Variants in SGCZ observed in about 807,000 individuals in gnomAD.
SGCZ encodes zeta-sarcoglycan.
In SGCZ, 40 loss-of-function variants were observed where a neutral mutation model predicts 41.3. The ratio of observed to expected loss-of-function variants is 0.97; its 90% CI spans 0.75 to 1.26. The LOEUF is 1.26. Ranked by LOEUF, SGCZ falls within the 50% of genes most tolerant of loss-of-function variation. The pLI, the probability that SGCZ is intolerant of heterozygous loss-of-function variation, is 0.00. For synonymous variants in SGCZ, 206 were observed against 137.5 expected (o/e 1.50, Z -3.49); for missense variants, 552 against 369.8 (o/e 1.49, Z -4.04).
chr8:14,380,398 C>A (rs1231269110), intron 2 of SGCZ, among the ~76,000 whole-genome samples: 1 of 152,112 alleles, frequency 6.6e-6, no homozygotes, highest in Non-Finnish European at 1.5e-5. Context: ...TCTGATCCAT[C>A]TGGAATTTAT....
At chr8:14,464,018 T>A (rs1197554101) in intron 2 of SGCZ, among the ~76,000 whole-genome samples, 1 of 151,656 alleles carries the variant, frequency 6.6e-6, no homozygotes, top group Non-Finnish European at 1.5e-5. Flanking sequence ...TAATTCACTT[T>A]GCTAGTATTT....
At chr8:14,644,662 C>T (rs533182815) in intron 1 of SGCZ, among the ~76,000 whole-genome samples, 6 of 151,652 alleles carry the variant, frequency 4.0e-5, no homozygotes, top group Admixed American at 4.0e-4. Flanking sequence ...TTCTGTCATG[C>T]CTCTATTATG....
chr8:14,792,757 G>T (rs1350445566), intron 1 of SGCZ, among the ~76,000 whole-genome samples: 1 of 151,882 alleles, frequency 6.6e-6, no homozygotes, highest in African/African-American at 2.4e-5. Context: ...AAAGGTCCAG[G>T]GTTTTCTTTT....
chr8:14,195,715 G>A (rs1805246079), intron 4 of SGCZ, among the ~76,000 whole-genome samples: 2 of 151,990 alleles, frequency 1.3e-5, no homozygotes, highest in South Asian at 4.1e-4. Context: ...GATTAATACT[G>A]GAAAAAATGC....
At position 14,925,718 on chromosome 8, in the gene SGCZ, T is replaced by A. The variant is rs141398753; in HGVS notation, c.39+311867A>T. On this transcript the variant is annotated intron_variant, in intron 1 of 7. Transcript: ENST00000382080. Reference sequence around the variant, plus strand: ...CCTCAGACACGACAATACTTTCAATTTCCAGGGTTTGATCTGGCTTCACTT... The same window carrying A: ...CCTCAGACACGACAATACTTTCAATATCCAGGGTTTGATCTGGCTTCACTT... Among the ~76,000 whole-genome samples, 128 of 152,322 alleles carry A rather than the reference T, an allele frequency of 8.4e-4. 1 individual carries two copies. The Middle Eastern group carries it at 0.014, about 16-fold the overall frequency.
chr8:14,780,756 C>T (rs1389827226), intron 1 of SGCZ, among the ~76,000 whole-genome samples: 6 of 152,048 alleles, frequency 3.9e-5, no homozygotes, highest in East Asian at 3.9e-4. Context: ...AATTTCAATG[C>T]CCTTAATATT....
At chr8:14,805,288 T>C (rs1264006375) in intron 1 of SGCZ, among the ~76,000 whole-genome samples, 1 of 90,996 alleles carries the variant, frequency 1.1e-5, no homozygotes, top group African/African-American at 3.8e-5. Context: ...GACTGGCAAG[T>C]TGGATAAAGA....
intron 1 of SGCZ, among the ~76,000 whole-genome samples, chr8:14,664,859 C>G (rs753352504): frequency 6.6e-6 from 1 of 152,028 alleles, no homozygotes; most frequent in Non-Finnish European, 1.5e-5. Flanking sequence ...TCATGTTGTT[C>G]CAAAGCTCTC....
intron 1 of SGCZ, among the ~76,000 whole-genome samples, chr8:14,624,560 T>TA (rs1563161367): frequency 0.047 from 4,097 of 88,098 alleles, 257 homozygotes; most frequent in African/African-American, 0.16. Flanking sequence ...TTATTATTTT[T>TA]TTTTTTTTTT....
chr8:14,467,270 A>G (rs1038567250), intron 2 of SGCZ, among the ~76,000 whole-genome samples: 7 of 151,976 alleles, frequency 4.6e-5, no homozygotes, highest in Non-Finnish European at 1.0e-4. Context: ...AAAAAAAGAG[A>G]AAAATAAGTG....
intron 1 of SGCZ, among the ~76,000 whole-genome samples, chr8:14,732,039 T>C (rs898076542): frequency 5.3e-5 from 8 of 152,212 alleles, no homozygotes; most frequent in African/African-American, 1.9e-4. Context: ...GTGATTCAAG[T>C]ACAACTTGTT....
chr8:14,381,554 C>T (rs1294020426), intron 2 of SGCZ, among the ~76,000 whole-genome samples: 1 of 151,836 alleles, frequency 6.6e-6, no homozygotes, highest in Non-Finnish European at 1.5e-5. Context: ...CCAGGCAGAT[C>T]GCTTGAGCCC....
At chr8:14,153,979 C>T (rs1803797976) in intron 5 of SGCZ, among the ~76,000 whole-genome samples, 1 of 151,614 alleles carries the variant, frequency 6.6e-6, no homozygotes, top group African/African-American at 2.4e-5. Flanking sequence ...GAAGACACAG[C>T]AACAAGGCAG....
intron 1 of SGCZ, among the ~76,000 whole-genome samples, chr8:14,658,608 G>C (rs1488568839): frequency 6.6e-6 from 1 of 152,080 alleles, no homozygotes; most frequent in Non-Finnish European, 1.5e-5. Context: ...CAGATCTCTT[G>C]AGTCCTGCTC....
intron 1 of SGCZ, among the ~76,000 whole-genome samples, chr8:14,678,198 A>C (rs1808335517): frequency 6.6e-6 from 1 of 152,220 alleles, no homozygotes; most frequent in Non-Finnish European, 1.5e-5. Flanking sequence ...ATTGGATTTC[A>C]TTAAAATAAA....
intron 4 of SGCZ, among the ~76,000 whole-genome samples, chr8:14,189,072 T>G (rs1054570470): frequency 1.3e-5 from 2 of 150,858 alleles, no homozygotes; most frequent in African/African-American, 2.4e-5. Flanking sequence ...TTGGCAAGGC[T>G]GGTCTTGAAC....
chr8:14,961,836 C>G (rs1563393966), intron 1 of SGCZ, among the ~76,000 whole-genome samples: 2 of 152,258 alleles, frequency 1.3e-5, no homozygotes, highest in East Asian at 1.9e-4. Context: ...ACAGACAACA[C>G]AGAAACTGCC....
intron 1 of SGCZ, among the ~76,000 whole-genome samples, chr8:14,830,337 C>T (rs1802482976): frequency 6.6e-6 from 1 of 151,684 alleles, no homozygotes; most frequent in African/African-American, 2.4e-5. Flanking sequence ...ACATGTTGAT[C>T]ACAGAAGTAC....
At chr8:15,052,774 T>C (rs568070844) in intron 1 of SGCZ, among the ~76,000 whole-genome samples, 1 of 152,166 alleles carries the variant, frequency 6.6e-6, no homozygotes, top group African/African-American at 2.4e-5. Flanking sequence ...TTAAAAAGCA[T>C]ATCCAATTTT....
Sources: gnomAD v4.1 joint callset for allele counts (sites outside exome capture counted in the v4.1 genomes callset) on GRCh38, gnomAD v4.1.1 for gene constraint, MANE v1.5 for transcripts, NCBI Gene and HGNC (gene_info 2026-07-23, HGNC 2026-07-21) for gene names.